ECM2: variants seen among roughly 807,000 people sequenced by gnomAD.
The protein encoded by ECM2 is extracellular matrix protein 2, female organ and adipocyte specific.
In ECM2, 57 loss-of-function variants were observed where a neutral mutation model predicts 67.5. That is an observed-to-expected ratio of 0.84 (90% CI 0.68 to 1.05). The LOEUF (loss-of-function observed/expected upper bound fraction) is 1.05, where lower values mean the gene tolerates loss of function less well. ECM2 is among the 50% of genes least tolerant of loss of function. The pLI, the probability that ECM2 is intolerant of heterozygous loss-of-function variation, is 0.00. For synonymous variants in ECM2, 258 were observed against 294.5 expected (o/e 0.88, Z 1.27); for missense variants, 741 against 822.8 (o/e 0.90, Z 1.22).
chr9:92,533,151 T>A (rs1848906904), intron 1 of ECM2, among the ~76,000 whole-genome samples: 1 of 148,580 alleles, frequency 6.7e-6, no homozygotes, highest in African/African-American at 2.5e-5. Flanking sequence ...ACAAAAAAAA[T>A]TAGCTGGGTG....
chr9:92,517,717 C>T lies in ECM2; in HGVS notation c.451G>A (p.Gly151Arg). The T allele has an allele frequency of 6.2e-7, 1 of 1,614,166 alleles. No homozygotes were observed. Among genetic ancestry groups the T allele is most frequent in the East Asian group, 2.2e-5 (1 of 44,878 alleles). Reference protein sequence around the residue: ...QRCPQTVIPEGECCPVCSATV... With the variant: ...QRCPQTVIPERECCPVCSATV... Reference sequence around the variant, plus strand: ...GCGGAGCAGACCGGGCAGCATTCCCCTTCAGGTATAACTGTTTGGGGGCAC... The same window carrying T: ...GCGGAGCAGACCGGGCAGCATTCCCTTTCAGGTATAACTGTTTGGGGGCAC... Residue 151 changes from glycine to arginine, a missense_variant, in exon 3 of 10, where the codon GGG becomes AGG. Physicochemically the swap from Gly to Arg is moderately radical, Grantham distance 125. Transcript: ENST00000344604.
Position 92,514,776 on chromosome 9 carries a change from T to C in ECM2, c.909A>G (p.Arg303=), listed in dbSNP as rs1588210545. ...CTCTGGGAGGAGCAGGAAGCGGGGA[T>C]CGAGAGGGCATTCGGAACATATCTC... ...VRGDMFRMPS[R]SPLPAPPRGT... The change falls in exon 4 of 10, where the codon CGA becomes CGG. Residue 303 remains arginine (R), a synonymous_variant. Transcript: ENST00000344604. 1 of 1,614,008 alleles carries C rather than the reference T, an allele frequency of 6.2e-7. No individual in the cohort carries two copies. Among genetic ancestry groups the C allele is most frequent in the East Asian group, 2.2e-5 (1 of 44,856 alleles).
chr9:92,540,599 C>T (rs532867777), upstream of ECM2, among the ~76,000 whole-genome samples: 6 of 150,914 alleles, frequency 4.0e-5, no homozygotes, highest in South Asian at 1.1e-3. Flanking sequence ...AGTGAAACCC[C>T]GTCTCTACTA....
the ECM2 span, among the ~76,000 whole-genome samples, chr9:92,555,509 A>G: frequency 6.2e-4 from 94 of 152,170 alleles, no homozygotes; most frequent in African/African-American, 2.1e-3. Context: ...GATTACAGGT[A>G]TGAACCACTG....
intron 4 of ECM2, among the ~76,000 whole-genome samples, chr9:92,512,343 A>C (rs1328995289): frequency 6.6e-6 from 1 of 152,226 alleles, no homozygotes; most frequent in East Asian, 1.9e-4. Context: ...TTTTCTCTCT[A>C]AGGATTCATC....
chr9:92,537,861 TGG>T (rs1383168745), upstream of ECM2, among the ~76,000 whole-genome samples: 2 of 152,172 alleles, frequency 1.3e-5, no homozygotes, highest in African/African-American at 4.8e-5. Flanking sequence ...GACAAAACTT[TGG>T]GGGTAGAAAA....
chr9:92,544,343 G>A, the ECM2 span, among the ~76,000 whole-genome samples: 1 of 152,164 alleles, frequency 6.6e-6, no homozygotes, highest in Non-Finnish European at 1.5e-5. Context: ...GGGTGTGCTG[G>A]CACATGCCTG....
chr9:92,511,055 T>A (rs1847304096), intron 5 of ECM2, among the ~76,000 whole-genome samples: 1 of 152,212 alleles, frequency 6.6e-6, no homozygotes, highest in Admixed American at 6.5e-5. Context: ...ACATACACAT[T>A]TATGAGTTTT....
the ECM2 span, among the ~76,000 whole-genome samples, chr9:92,557,674 T>G: frequency 6.6e-6 from 1 of 152,150 alleles, no homozygotes; most frequent in Non-Finnish European, 1.5e-5. Context: ...GACAGAGTCT[T>G]GCTCTGTCGC....
downstream of ECM2, among the ~76,000 whole-genome samples, chr9:92,494,774 A>G (rs556959247): frequency 1.3e-5 from 2 of 152,128 alleles, no homozygotes; most frequent in Non-Finnish European, 2.9e-5. Context: ...GGGAGTGGTG[A>G]CGCATGCCTA....
At chr9:92,552,019 G>T in the ECM2 span, among the ~76,000 whole-genome samples, 2 of 137,098 alleles carry the variant, frequency 1.5e-5, no homozygotes, top group African/African-American at 2.8e-5. Context: ...TATATGATAT[G>T]ATAGATCTAT....
intron 4 of ECM2, 22 bp from the exon 5 acceptor site, chr9:92,512,148 T>A (rs776796835): frequency 2.6e-6 from 4 of 1,566,822 alleles, no homozygotes; most frequent in Non-Finnish European, 3.5e-6. Flanking sequence ...AGCGGTTATG[T>A]TTTAGGCATG....
At chr9:92,545,493 G>A in the ECM2 span, among the ~76,000 whole-genome samples, 1 of 152,050 alleles carries the variant, frequency 6.6e-6, no homozygotes, top group Admixed American at 6.5e-5. Flanking sequence ...CCGCGGGGCA[G>A]GGCTCCGGAC....
At position 92,511,996 on chromosome 9, in the gene ECM2, A is replaced by T. The variant is rs1235298437; in HGVS notation, c.1170+15T>A. ...AGCCATTCATCCAAATAGACAAATC[A>T]GAGCATGTATTTACCTTGAATGCTT... On this transcript the variant is annotated intron_variant, in intron 5 of 9. Transcript: ENST00000344604. The T allele has an allele frequency of 6.3e-7, 1 of 1,576,304 alleles. No individual in the cohort carries two copies. Among genetic ancestry groups the T allele is most frequent in the South Asian group, 1.1e-5 (1 of 87,708 alleles).
At position 92,496,380 on chromosome 9, in the gene ECM2, A is replaced by G. The variant is rs1182980993; in HGVS notation, c.2035T>C (p.Ser679Pro). The G allele has an allele frequency of 6.2e-7, 1 of 1,609,410 alleles. No individual in the cohort carries two copies. Among genetic ancestry groups the G allele is most frequent in the Middle Eastern group, 1.7e-4 (1 of 5,994 alleles). ...GATCTTATGCATGAAAATGTGTAAG[A>G]TGGTATTTCTCTAATTTTAATATAA... ...NNYIKIREIP[S>P]YTFSCIRSYS... is the part of the protein sequence containing the mutation. Residue 679 changes from serine to proline, a missense_variant, in exon 10 of 10, where the codon TCT (serine) becomes CCT (proline). Transcript: ENST00000344604.
At chr9:92,512,810 G>GCA (rs1390108232) in intron 4 of ECM2, among the ~76,000 whole-genome samples, 1 of 152,168 alleles carries the variant, frequency 6.6e-6, no homozygotes, top group Non-Finnish European at 1.5e-5. Flanking sequence ...AACCATAACA[G>GCA]TGTAGCTCAG....
At chr9:92,517,260 C>T (rs1050755226) in intron 3 of ECM2, 1 of 209,760 alleles carries the variant, frequency 4.8e-6, no homozygotes, top group South Asian at 8.9e-5. Context: ...GGGCTTTGTT[C>T]TCTTTAGATG....
the ECM2 span, among the ~76,000 whole-genome samples, chr9:92,542,758 G>A: frequency 2.0e-5 from 3 of 151,968 alleles, no homozygotes; most frequent in Non-Finnish European, 4.4e-5. Context: ...GTGATCCACC[G>A]GCCTCGGCCT....
At chr9:92,526,029 T>C (rs1259209963) in intron 1 of ECM2, among the ~76,000 whole-genome samples, 1 of 152,168 alleles carries the variant, frequency 6.6e-6, no homozygotes, top group Non-Finnish European at 1.5e-5. Flanking sequence ...ACATGCCTTC[T>C]ATCTATTTAA....
Sources: gnomAD v4.1 joint callset for allele counts (sites outside exome capture counted in the v4.1 genomes callset) on GRCh38, gnomAD v4.1.1 for gene constraint, MANE v1.5 for transcripts, NCBI Gene and HGNC (gene_info 2026-07-23, HGNC 2026-07-21) for gene names.